The following FUCA1 variants were observed in gnomAD, a reference collection of about 807,000 sequenced individuals.
The protein encoded by FUCA1 is alpha-L-fucosidase 1.
FUCA1 carries 52 observed loss-of-function variants against 56.8 expected under a neutral mutation model. The observed-to-expected ratio is 0.92, with a 90% CI of 0.73 to 1.15. FUCA1 has a LOEUF of 1.15. Among genes scored for constraint, FUCA1 ranks in the 50% most tolerant of loss-of-function variants. FUCA1 has a pLI of 0.00. For missense variants in FUCA1, 568 were observed against 592.6 expected (o/e 0.96, Z 0.43); for synonymous variants, 230 against 226.6 (o/e 1.02, Z -0.14).
chr1:23,863,713 G>T (rs568711165), intron 2 of FUCA1, among the ~76,000 whole-genome samples: 1 of 152,178 alleles, frequency 6.6e-6, no homozygotes, highest in East Asian at 1.9e-4. Flanking sequence ...TTAGCTGAGT[G>T]TGGTGGTGCG....
intron 7 of FUCA1, 78 bp from the exon 8 acceptor site, chr1:23,845,933 A>G: frequency 1.3e-6 from 2 of 1,581,738 alleles, no homozygotes; most frequent in Non-Finnish European, 1.7e-6. Context: ...ATGGTAGGAA[A>G]CAGCCACGCT....
chr1:23,855,312 A>G (rs988574257), intron 4 of FUCA1, among the ~76,000 whole-genome samples: 1 of 152,184 alleles, frequency 6.6e-6, no homozygotes, highest in African/African-American at 2.4e-5. Context: ...CCTGGCTAAC[A>G]CGGTGAAATC....
In FUCA1 at chr1:23,865,550, G is replaced by A. The variant is rs563341708; in HGVS notation, c.465C>T (p.Ser155=). 6.2e-6 allele frequency: 10 copies of A among 1,614,192 alleles called. No individual in the cohort carries two copies. Among genetic ancestry groups the A allele is most frequent in the Non-Finnish European group, 8.5e-6 (10 of 1,180,040 alleles). ...AATCCCGATGAGGCCCCACGTCTTT[G>A]GAGTTCCAGTTCCAAGACACAGGAC... The part of the protein sequence containing the change: ...WPSPVSWNWN[S]KDVGPHRDLV... The change falls in exon 2 of 8, where the codon TCC becomes TCT. Residue 155 remains serine, a synonymous_variant. Transcript: ENST00000374479.
At chr1:23,860,663 C>A (rs1237127427) in intron 3 of FUCA1, among the ~76,000 whole-genome samples, 2 of 141,238 alleles carry the variant, frequency 1.4e-5, no homozygotes, top group Non-Finnish European at 3.1e-5. Context: ...TTTTTTGAGA[C>A]TGTTTTGCTT....
chr1:23,856,575 G>C (rs1386279242), intron 4 of FUCA1, among the ~76,000 whole-genome samples: 1 of 152,154 alleles, frequency 6.6e-6, no homozygotes, highest in Non-Finnish European at 1.5e-5. Context: ...TACGGCACCG[G>C]CTCTCAATAA....
intron 4 of FUCA1, 68 bp downstream of exon 4, chr1:23,859,730 T>C: frequency 1.1e-6 from 1 of 946,136 alleles, no homozygotes; most frequent in Non-Finnish European, 1.7e-6. Context: ...GGTTGTCTAC[T>C]CCAGAGTTTG....
intron 5 of FUCA1, among the ~76,000 whole-genome samples, chr1:23,852,433 C>CA (rs1173667789): frequency 2.0e-5 from 3 of 150,396 alleles, no homozygotes; most frequent in African/African-American, 7.4e-5. Flanking sequence ...TTAAAAAAAA[C>CA]AAAAAACTCC....
chr1:23,863,589 T>C (rs891309359), intron 2 of FUCA1, among the ~76,000 whole-genome samples: 1 of 152,216 alleles, frequency 6.6e-6, no homozygotes, highest in Non-Finnish European at 1.5e-5. Flanking sequence ...CAGTGGCTCA[T>C]GCCTGTAATC....
intron 4 of FUCA1, among the ~76,000 whole-genome samples, chr1:23,855,858 A>G (rs11803575): frequency 2.0e-5 from 3 of 152,042 alleles, no homozygotes; most frequent in African/African-American, 7.2e-5. Flanking sequence ...CGCTTATTCA[A>G]TAAGTATTTA....
chr1:23,854,064 GAATAAATA>G (rs200301178), intron 5 of FUCA1, among the ~76,000 whole-genome samples: 100 of 150,266 alleles, frequency 6.7e-4, no homozygotes, highest in Admixed American at 3.8e-3. Context: ...GATCAATAAA[GAATAAATA>G]AATAAATAAA....
At chr1:23,847,292 A>G (rs1386444314) in intron 6 of FUCA1, among the ~76,000 whole-genome samples, 1 of 152,194 alleles carries the variant, frequency 6.6e-6, no homozygotes, top group East Asian at 1.9e-4. Flanking sequence ...AGCAGAGACT[A>G]TAACAAGGAC....
At chr1:23,848,626 A>G in intron 6 of FUCA1, 23 bp downstream of exon 6, 3 of 1,609,950 alleles carry the variant, frequency 1.9e-6, no homozygotes, top group Non-Finnish European at 2.6e-6. Flanking sequence ...CTGTTCTTAC[A>G]CACAACAGAA....
At chr1:23,853,825 C>T (rs1251418101) in intron 5 of FUCA1, among the ~76,000 whole-genome samples, 1 of 151,886 alleles carries the variant, frequency 6.6e-6, no homozygotes, top group African/African-American at 2.4e-5. Context: ...GGATTAAGGG[C>T]GGTGCAAGAT....
chr1:23,847,943 A>G (rs1639175867), intron 6 of FUCA1, among the ~76,000 whole-genome samples: 1 of 152,060 alleles, frequency 6.6e-6, no homozygotes, highest in Non-Finnish European at 1.5e-5. Context: ...AATTGCTTGA[A>G]CCTTGGAGGC....
At chr1:23,859,748 G>T in intron 4 of FUCA1, 50 bp downstream of exon 4, 1 of 1,221,940 alleles carries the variant, frequency 8.2e-7, no homozygotes, top group Non-Finnish European at 1.2e-6. Flanking sequence ...TTGGCTCCTT[G>T]CACTTTCTTT....
At position 23,846,096 on chromosome 1, in the gene FUCA1, G is replaced by T. The variant is rs768424489; in HGVS notation, c.1238C>A (p.Pro413His). The T allele has an allele frequency of 6.2e-7, 1 of 1,613,656 alleles. No individual in the cohort carries two copies. The highest frequency in any genetic ancestry group is 1.6e-4 in the Middle Eastern group (1 of 6,062). Residue 413 changes from proline to histidine, a missense_variant, in exon 7 of 8, where the codon CCC becomes CAC. Transcript: ENST00000374479. ...TACCTTTGTAGTTGAGGTAGTTATG[G>T]GGGATTCAAGGTTTAAGACTCCATT... Reference protein sequence around the residue: ...PENGVLNLESPITTSTTKITM... With the variant: ...PENGVLNLESHITTSTTKITM...
At chr1:23,857,920 G>A (rs911994336) in intron 4 of FUCA1, among the ~76,000 whole-genome samples, 10 of 150,936 alleles carry the variant, frequency 6.6e-5, no homozygotes, top group South Asian at 2.1e-4. Context: ...CACCAGCCTC[G>A]GCCTCCCAAA....
rs1639647641 is a variant in FUCA1, at chr1:23,867,453, C to T, written c.389+445G>A. On this transcript the variant is annotated intron_variant, in intron 1 of 7. Transcript: ENST00000374479. This position sits in a 1 kb window ranked among gnomAD's most constrained non-coding sequence, Gnocchi z 4.9. ...TCTTTCCCTCTTAGAGACATTAGGG[C>T]TCAAAGGGTTGTATCCTTATATAAC... Among the ~76,000 whole-genome samples the T allele has an allele frequency of 6.6e-6, 1 of 152,194 alleles. No individual in the cohort carries two copies. Among genetic ancestry groups the T allele is most frequent in the Non-Finnish European group, 1.5e-5 (1 of 68,044 alleles).
rs1258106506 is a variant in FUCA1, at chr1:23,848,714, A to G, written c.1095T>C (p.Asn365=). ...LLAVGKWLSI[N]GEAIYASKPW... ...GTTTGGAGGCATAGATAGCCTCCCCATTGATGCTCAGCCATTTCCCAACAG... is the reference window on the plus strand; with the variant it reads ...GTTTGGAGGCATAGATAGCCTCCCCGTTGATGCTCAGCCATTTCCCAACAG... The change falls in exon 6 of 8, where the codon AAT becomes AAC. Residue 365 remains asparagine (N), a synonymous_variant. Coordinates refer to ENST00000374479, the MANE Select transcript of FUCA1 (RefSeq NM_000147.5). 5 of 1,614,074 alleles carry G rather than the reference A, an allele frequency of 3.1e-6. No homozygotes were observed. In the African/African-American group the frequency reaches 6.7e-5, roughly 22 times the overall value.
Sources: allele counts gnomAD v4.1 joint callset (sites outside exome capture counted in the v4.1 genomes callset), GRCh38; gene constraint gnomAD v4.1.1; non-coding constraint Gnocchi (gnomAD v3.1); transcripts MANE v1.5; gene names NCBI Gene and HGNC (gene_info 2026-07-23, HGNC 2026-07-21).